TRAPPC9: variants seen among roughly 807,000 people sequenced by gnomAD.
TRAPPC9 encodes trafficking protein particle complex subunit 9, also known as IKK2 binding protein.
A neutral mutation model predicts 124.0 loss-of-function variants in TRAPPC9; 83 were observed. The observed-to-expected ratio is 0.67, with a 90% CI of 0.56 to 0.80. The LOEUF (loss-of-function observed/expected upper bound fraction) is 0.80, where lower values mean the gene tolerates loss of function less well. TRAPPC9 is among the 30% of genes least tolerant of loss of function. The pLI is 0.00. For synonymous variants in TRAPPC9, 638 were observed against 617.5 expected, an observed-to-expected ratio of 1.03 and a Z score of -0.49; for missense variants, 1,302 against 1,508.3, an observed-to-expected ratio of 0.86 and a Z score of 2.27.
At chr8:140,146,239 C>A (rs1213001895) in intron 17 of TRAPPC9, among the ~76,000 whole-genome samples, 2 of 152,248 alleles carry the variant, frequency 1.3e-5, no homozygotes, top group South Asian at 2.1e-4. Flanking sequence ...ATACTCAATT[C>A]TTCTACATGC....
rs1020505495 is a variant in TRAPPC9 at position 140,087,282 on chromosome 8, C to T, written c.2557-63203G>A. 6.6e-6 allele frequency among the ~76,000 whole-genome samples: 1 copy of T among 152,050 alleles called. No homozygotes were observed. Among genetic ancestry groups the T allele is most frequent in the East Asian group, 1.9e-4 (1 of 5,168 alleles). ...CCCGGCCCCATCACCCTGCAGATGTCGGGGTGCCTCGAAAGCACAGCACTC... is the reference window on the plus strand; with the variant it reads ...CCCGGCCCCATCACCCTGCAGATGTTGGGGTGCCTCGAAAGCACAGCACTC... On this transcript the variant is annotated intron_variant, in intron 17 of 22. Transcript: ENST00000438773. This position sits in a 1 kb window ranked among gnomAD's most constrained non-coding sequence, Gnocchi z 4.6.
intron 21 of TRAPPC9, among the ~76,000 whole-genome samples, chr8:139,862,537 C>T (rs1212695217): frequency 4.6e-5 from 7 of 152,204 alleles, no homozygotes; most frequent in East Asian, 3.8e-4. Flanking sequence ...GGCCCAGAGG[C>T]GGGGACGCCT....
intron 17 of TRAPPC9, among the ~76,000 whole-genome samples, chr8:140,116,751 C>A (rs899636002): frequency 6.6e-6 from 1 of 152,106 alleles, no homozygotes; most frequent in African/African-American, 2.4e-5. Context: ...GAGAAGAGAT[C>A]TATGGTTTCT....
At chr8:139,758,814 A>G (rs1820028804) in intron 21 of TRAPPC9, among the ~76,000 whole-genome samples, 1 of 152,190 alleles carries the variant, frequency 6.6e-6, no homozygotes, top group Admixed American at 6.5e-5. Flanking sequence ...TCAGCCAAGT[A>G]AGTTATGGGA....
intron 17 of TRAPPC9, among the ~76,000 whole-genome samples, chr8:140,103,171 C>A (rs2060610215): frequency 1.3e-5 from 2 of 152,204 alleles, no homozygotes; most frequent in African/African-American, 4.8e-5. Flanking sequence ...GCCTGAGACA[C>A]CCTCCTTAAT....
rs947731066 is a variant in TRAPPC9, at chr8:139,861,905, G to C, written c.3055+23974C>G. Among the ~76,000 whole-genome samples, 3 of 108,560 alleles carry C rather than the reference G, an allele frequency of 2.8e-5. No homozygotes were observed. The East Asian group carries it at 1.0e-3, about 37-fold the overall frequency. 71.2% of individuals were successfully genotyped at this position (108,560 alleles called of 152,430 possible). ...TCCCAGGTAGACCAAGGGTGAAATGGTCACCTCCCTGGAAAGGGGAAAGAT... is the reference window on the plus strand; with the variant it reads ...TCCCAGGTAGACCAAGGGTGAAATGCTCACCTCCCTGGAAAGGGGAAAGAT... On this transcript the variant is annotated intron_variant, in intron 21 of 22. Transcript: ENST00000438773.
intron 7 of TRAPPC9, among the ~76,000 whole-genome samples, chr8:140,389,469 G>A (rs1038063735): frequency 5.9e-5 from 9 of 152,224 alleles, no homozygotes; most frequent in Non-Finnish European, 1.0e-4. Flanking sequence ...CCACTCAGGC[G>A]AGTGGTGCTG....
chr8:139,862,568 T>C (rs1828239569), intron 21 of TRAPPC9, among the ~76,000 whole-genome samples: 1 of 152,236 alleles, frequency 6.6e-6, no homozygotes, highest in African/African-American at 2.4e-5. Context: ...CTTCCTCTGT[T>C]GATTCCCAAG....
intron 19 of TRAPPC9, among the ~76,000 whole-genome samples, chr8:139,930,099 G>C (rs1025294511): frequency 3.9e-5 from 6 of 152,228 alleles, no homozygotes; most frequent in Admixed American, 6.5e-5. Flanking sequence ...CATATGCTAG[G>C]GGCTGAACAA....
At chr8:140,092,125 C>T (rs1028385902) in intron 17 of TRAPPC9, among the ~76,000 whole-genome samples, 34 of 150,904 alleles carry the variant, frequency 2.3e-4, no homozygotes, top group African/African-American at 7.3e-4. Flanking sequence ...TGATGGAAGC[C>T]ACCATTAGTT....
chr8:139,920,272 G>T (rs1832426976), intron 19 of TRAPPC9, among the ~76,000 whole-genome samples: 1 of 152,252 alleles, frequency 6.6e-6, no homozygotes, highest in Admixed American at 6.5e-5. Context: ...CCTGGACTCA[G>T]GAGGTGGAGG....
chr8:139,877,453 T>C (rs959241876), intron 21 of TRAPPC9, among the ~76,000 whole-genome samples: 1 of 152,160 alleles, frequency 6.6e-6, no homozygotes, highest in African/African-American at 2.4e-5. Flanking sequence ...TCCAGGACTG[T>C]TCATGGGCTG....
At chr8:140,024,221 A>C (rs13261646) in intron 17 of TRAPPC9, 142 bp from the exon 18 acceptor site, 6 of 1,077,244 alleles carry the variant, frequency 5.6e-6, no homozygotes, top group Non-Finnish European at 8.2e-6. Flanking sequence ...CCGACTCACA[A>C]CCCCGGCGGG....
intron 9 of TRAPPC9, among the ~76,000 whole-genome samples, chr8:140,330,730 C>T (rs956664535): frequency 1.3e-5 from 2 of 152,010 alleles, no homozygotes; most frequent in South Asian, 2.1e-4. Flanking sequence ...GAAGAAAGAC[C>T]TGTACTACCC....
chr8:139,838,545 C>A (rs1826509649), intron 21 of TRAPPC9, among the ~76,000 whole-genome samples: 1 of 152,186 alleles, frequency 6.6e-6, no homozygotes, highest in Non-Finnish European at 1.5e-5. Context: ...TCGGAGCCCC[C>A]CAAGGAAGAG....
At chr8:139,763,086 AT>A (rs1820350038) in intron 21 of TRAPPC9, among the ~76,000 whole-genome samples, 1 of 152,194 alleles carries the variant, frequency 6.6e-6, no homozygotes, top group South Asian at 2.1e-4. Context: ...AACAGGAATA[AT>A]TCCCCCAGAG....
intron 17 of TRAPPC9, among the ~76,000 whole-genome samples, chr8:140,129,941 T>C (rs1324372213): frequency 1.3e-5 from 2 of 152,206 alleles, no homozygotes; most frequent in African/African-American, 2.4e-5. Context: ...CATGCACACT[T>C]CAGGCCCCAA....
chr8:140,405,394 A>T, intron 6 of TRAPPC9, 183 bp downstream of exon 6: 1 of 622,084 alleles, frequency 1.6e-6, no homozygotes, highest in Non-Finnish European at 2.7e-6. Flanking sequence ...TACTAAACCT[A>T]CACTGTTTTG....
chr8:140,128,934 C>T (rs866914678), intron 17 of TRAPPC9, among the ~76,000 whole-genome samples: 2 of 150,150 alleles, frequency 1.3e-5, no homozygotes, highest in East Asian at 1.9e-4. Flanking sequence ...CAAACCTGCA[C>T]GTTGTGCACA....
Sources: gnomAD v4.1 joint callset for allele counts (sites outside exome capture counted in the v4.1 genomes callset) on GRCh38, gnomAD v4.1.1 for gene constraint, Gnocchi (gnomAD v3.1) non-coding constraint, MANE v1.5 for transcripts, NCBI Gene and HGNC (gene_info 2026-07-23, HGNC 2026-07-21) for gene names.